C1orf21: variants seen among roughly 807,000 people sequenced by gnomAD.
C1orf21 encodes chromosome 1 open reading frame 21, also known as uncharacterized protein C1orf21.
In C1orf21, 3 loss-of-function variants were observed where a neutral mutation model predicts 18.7. The ratio of observed to expected loss-of-function variants is 0.16; its 90% CI spans 0.07 to 0.42. C1orf21 has a LOEUF of 0.42. Ranked by LOEUF, C1orf21 falls within the 10% of genes least tolerant of loss-of-function variation. The pLI, the probability that C1orf21 is intolerant of heterozygous loss-of-function variation, is 0.99. For missense variants in C1orf21, 104 were observed against 143.6 expected, an observed-to-expected ratio of 0.72 and a Z score of 1.41; for synonymous variants, 41 against 46.4, an observed-to-expected ratio of 0.88 and a Z score of 0.47.
chr1:184,410,670 T>A lies in C1orf21; in HGVS notation c.-125+23302T>A, dbSNP rs1410100057. 1.2e-3 allele frequency among the ~76,000 whole-genome samples: 55 copies of A among 47,092 alleles called. 13 individuals are homozygous for A. The African/African-American group carries it at 0.013, about 11-fold the overall frequency. The allele number at this position is 47,092 out of a possible 152,430, so 30.9% of individuals were successfully genotyped here. A position where few individuals can be genotyped will look rare whatever the true frequency, so the allele number is the denominator to read the frequency against. On this transcript the variant is annotated intron_variant, in intron 1 of 5. Coordinates refer to ENST00000235307, the MANE Select transcript of C1orf21 (RefSeq NM_030806.4). ...ATATATATATATATATATATTTTTT[T>A]TTTTTTTTTTTGAGATGGAGTTTCG...
chr1:184,551,231 T>A (rs1436285300), intron 3 of C1orf21, among the ~76,000 whole-genome samples: 1 of 152,196 alleles, frequency 6.6e-6, no homozygotes, highest in Non-Finnish European at 1.5e-5. Flanking sequence ...ACTATGTGTG[T>A]ATTTTTTTTA....
At chr1:184,493,941 T>C (rs573123818) in intron 2 of C1orf21, among the ~76,000 whole-genome samples, 8 of 152,370 alleles carry the variant, frequency 5.3e-5, no homozygotes, top group African/African-American at 1.9e-4. Context: ...GAACTATTGG[T>C]TGAGCAAATA....
intron 1 of C1orf21, among the ~76,000 whole-genome samples, chr1:184,464,684 A>G (rs1236424608): frequency 6.6e-6 from 1 of 152,090 alleles, no homozygotes; most frequent in Non-Finnish European, 1.5e-5. Flanking sequence ...AAATTGAAGG[A>G]AGACATGGAA....
At chr1:184,491,776 G>A (rs1557985683) in intron 2 of C1orf21, among the ~76,000 whole-genome samples, 1 of 152,158 alleles carries the variant, frequency 6.6e-6, no homozygotes, top group Non-Finnish European at 1.5e-5. Flanking sequence ...CTGGTTAAGT[G>A]GTTTGGTTTC....
intron 3 of C1orf21, among the ~76,000 whole-genome samples, chr1:184,518,210 G>A (rs1379327357): frequency 6.6e-6 from 1 of 152,202 alleles, no homozygotes; most frequent in Non-Finnish European, 1.5e-5. Context: ...CTAAGGATGA[G>A]AGATTTATTA....
At chr1:184,398,952 A>G (rs1430816263) in intron 1 of C1orf21, among the ~76,000 whole-genome samples, 2 of 152,190 alleles carry the variant, frequency 1.3e-5, no homozygotes, top group Non-Finnish European at 2.9e-5. Context: ...CTTTTAAAAT[A>G]ATCATAATAT....
intron 3 of C1orf21, among the ~76,000 whole-genome samples, chr1:184,576,420 C>T (rs374165248): frequency 5.3e-5 from 8 of 152,332 alleles, no homozygotes; most frequent in East Asian, 3.9e-4. Context: ...CCACCGCACC[C>T]GGCTTCTGTG....
In C1orf21 at chr1:184,598,320, G is replaced by A; in HGVS notation, c.267-81G>A. 3 of 1,301,848 alleles carry A rather than the reference G, an allele frequency of 2.3e-6. No homozygotes were observed. The South Asian group carries it at 4.0e-5, about 18-fold the overall frequency. The allele number at this position is 1,301,848 out of a possible 1,614,324, so 80.6% of individuals were successfully genotyped here. A position where few individuals can be genotyped will look rare whatever the true frequency, so the allele number is the denominator to read the frequency against. The stretch of plus-strand genomic sequence containing the variant: ...TAAATAAATGTCTTCCCCAAAGTTT[G>A]GGGACTCTGCATTTTTCCTTTGAGG... On this transcript the variant is annotated intron_variant, in intron 4 of 5. Transcript: ENST00000235307.
At chr1:184,520,656 C>T (rs779063497) in intron 3 of C1orf21, among the ~76,000 whole-genome samples, 7 of 152,150 alleles carry the variant, frequency 4.6e-5, no homozygotes, top group Non-Finnish European at 1.0e-4. Context: ...AAGTAAACCA[C>T]CCATAGCTAA....
Position 184,452,615 on chromosome 1 carries a change from T to C in C1orf21, c.-124-24771T>C, listed in dbSNP as rs191516365. On this transcript the variant is annotated intron_variant, in intron 1 of 5. Transcript: ENST00000235307. ...TAGGAGGGCCACAATTTGTACTTGT[T>C]CACAGTACATCTGTGTGGTCAATGG... Among the ~76,000 whole-genome samples, 7 of 152,372 alleles carry C rather than the reference T, an allele frequency of 4.6e-5. 1 individual carries two copies. The highest frequency in any genetic ancestry group is 3.9e-4 in the Admixed American group (6 of 15,304).
intron 3 of C1orf21, among the ~76,000 whole-genome samples, chr1:184,516,314 G>T (rs914939400): frequency 2.0e-5 from 3 of 152,038 alleles, no homozygotes; most frequent in Non-Finnish European, 4.4e-5. Flanking sequence ...ACAAAACAGG[G>T]TGTTTTAATA....
chr1:184,591,832 A>G (rs1242263914), intron 4 of C1orf21, among the ~76,000 whole-genome samples: 1 of 151,992 alleles, frequency 6.6e-6, no homozygotes, highest in African/African-American at 2.4e-5. Context: ...AAGAAAATAT[A>G]ATGGGTAACT....
intron 5 of C1orf21, among the ~76,000 whole-genome samples, 173 bp downstream of exon 5, chr1:184,598,634 T>G (rs1659548975): frequency 6.6e-6 from 1 of 152,128 alleles, no homozygotes; most frequent in Non-Finnish European, 1.5e-5. Context: ...GTGAGAATGT[T>G]TAAGGTATAA....
intron 1 of C1orf21, among the ~76,000 whole-genome samples, chr1:184,460,727 T>TTTTTC (rs1657296008): frequency 6.7e-6 from 1 of 150,192 alleles, no homozygotes; most frequent in African/African-American, 2.4e-5. Flanking sequence ...TTTTTTTTTT[T>TTTTTC]TAAGAAATGG....
At chr1:184,449,148 C>T (rs557441080) in intron 1 of C1orf21, among the ~76,000 whole-genome samples, 1 of 151,980 alleles carries the variant, frequency 6.6e-6, no homozygotes, top group Non-Finnish European at 1.5e-5. Context: ...GTGCTGCACC[C>T]ATTAACTCGT....
intron 1 of C1orf21, among the ~76,000 whole-genome samples, chr1:184,427,191 G>A (rs899448767): frequency 6.6e-6 from 1 of 152,158 alleles, no homozygotes; most frequent in Non-Finnish European, 1.5e-5. Context: ...GGGTGTAAAA[G>A]TTAACTTGAG....
chr1:184,571,351 A>G (rs1485396456), intron 3 of C1orf21, among the ~76,000 whole-genome samples: 1 of 151,814 alleles, frequency 6.6e-6, no homozygotes, highest in African/African-American at 2.4e-5. Context: ...GTATTATAAT[A>G]TTACGGGACC....
chr1:184,499,299 A>G (rs1225276207), intron 2 of C1orf21, among the ~76,000 whole-genome samples: 1 of 152,234 alleles, frequency 6.6e-6, no homozygotes, highest in Non-Finnish European at 1.5e-5. Flanking sequence ...CTTTAAGACA[A>G]GTTGTAAAGA....
At chr1:184,388,153 T>C (rs1012126921) in intron 1 of C1orf21, among the ~76,000 whole-genome samples, 4 of 152,186 alleles carry the variant, frequency 2.6e-5, no homozygotes, top group Non-Finnish European at 5.9e-5. Context: ...TTTTTGTTTT[T>C]GTTTTTTCCT....
Sources: gnomAD v4.1 joint callset for allele counts (sites outside exome capture counted in the v4.1 genomes callset) on GRCh38, gnomAD v4.1.1 for gene constraint, MANE v1.5 for transcripts, NCBI Gene and HGNC (gene_info 2026-07-23, HGNC 2026-07-21) for gene names.